BACH2: variants seen among roughly 807,000 people sequenced by gnomAD.
BACH2 encodes BACH transcriptional regulator 2, also known as transcription regulator protein BACH2.
Under a neutral mutation model 61.8 loss-of-function variants are expected in BACH2, and 5 were observed. That is an observed-to-expected ratio of 0.08 (90% confidence interval 0.04 to 0.17). The LOEUF (loss-of-function observed/expected upper bound fraction) is 0.17, where lower values mean the gene tolerates loss of function less well. Among genes scored for constraint, BACH2 ranks in the 10% least tolerant of loss-of-function variants. The probability of loss-of-function intolerance (pLI) is 1.00; values close to 1 mark genes in which losing one functional copy is unlikely to be tolerated. For synonymous variants in BACH2, 446 were observed against 440.1 expected (o/e 1.01, Z -0.17); for missense variants, 824 against 1,091.1 (o/e 0.76, Z 3.45).
intron 3 of BACH2, among the ~76,000 whole-genome samples, chr6:90,233,586 A>T (rs1706444199): frequency 6.6e-6 from 1 of 152,246 alleles, no homozygotes; most frequent in Non-Finnish European, 1.5e-5. Flanking sequence ...GGAATAATAA[A>T]GAGTCCCTTT....
chr6:89,945,945 T>C (rs192823095), intron 7 of BACH2, among the ~76,000 whole-genome samples: 1 of 152,018 alleles, frequency 6.6e-6, no homozygotes, highest in Admixed American at 6.6e-5. Context: ...TTTTTTTTAC[T>C]GGAAGAGAAA....
At chr6:90,285,132 T>G (rs1771978031) in intron 1 of BACH2, among the ~76,000 whole-genome samples, 1 of 152,202 alleles carries the variant, frequency 6.6e-6, no homozygotes, top group Admixed American at 6.5e-5. Context: ...ATTTCACACT[T>G]TCCGATGAAA....
At chr6:90,114,522 G>A (rs1253367702) in intron 4 of BACH2, among the ~76,000 whole-genome samples, 3 of 151,956 alleles carry the variant, frequency 2.0e-5, no homozygotes, top group Non-Finnish European at 4.4e-5. Context: ...TACCTCAAAA[G>A]AATAAGAGCC....
At chr6:90,295,663 G>A in intron 1 of BACH2, among the ~76,000 whole-genome samples, 1 of 151,742 alleles carries the variant, frequency 6.6e-6, no homozygotes, top group South Asian at 2.1e-4. Flanking sequence ...GGGTGTGTGT[G>A]TGTGTGTGTG....
chr6:90,193,033 G>A (rs886854399), intron 4 of BACH2, among the ~76,000 whole-genome samples: 57 of 152,200 alleles, frequency 3.7e-4, no homozygotes, highest in African/African-American at 1.4e-3. Context: ...TATTCAGCAC[G>A]GGACTACATT....
intron 6 of BACH2, among the ~76,000 whole-genome samples, chr6:89,992,569 G>T (rs1190325122): frequency 1.3e-5 from 2 of 152,222 alleles, no homozygotes; most frequent in Non-Finnish European, 2.9e-5. Context: ...CTGAACCCGG[G>T]AGGTGGAGGT....
chr6:90,296,333 G>C, intron 1 of BACH2, 147 bp downstream of exon 1: 1 of 151,354 alleles, frequency 6.6e-6, no homozygotes, highest in East Asian at 2.0e-4. Flanking sequence ...GGCGCGGGGA[G>C]GGCGGCTGCG....
intron 1 of BACH2, among the ~76,000 whole-genome samples, chr6:90,294,925 C>G (rs1772291429): frequency 6.6e-6 from 1 of 152,240 alleles, no homozygotes; most frequent in Admixed American, 6.5e-5. Flanking sequence ...AGCAAAATAT[C>G]TCATTAGGCA....
At chr6:90,077,736 T>C (rs1437195257) in intron 5 of BACH2, among the ~76,000 whole-genome samples, 2 of 152,204 alleles carry the variant, frequency 1.3e-5, no homozygotes, top group African/African-American at 4.8e-5. Flanking sequence ...CCTTAGCTTA[T>C]AGGTTTAATT....
At chr6:89,960,283 G>A (rs774727756) in intron 6 of BACH2, among the ~76,000 whole-genome samples, 15 of 152,200 alleles carry the variant, frequency 9.9e-5, no homozygotes, top group Non-Finnish European at 8.8e-5. Context: ...TTACAGACAA[G>A]GAGGCCAAGG....
In BACH2 at chr6:90,296,563, G is replaced by A. The variant is rs1419882089; in HGVS notation, c.-529C>T. The A allele has an allele frequency of 6.6e-6, 1 of 151,768 alleles. No individual in the cohort carries two copies. Among genetic ancestry groups the A allele is most frequent in the East Asian group, 1.9e-4 (1 of 5,220 alleles). The allele number at this position is 151,768 out of a possible 1,614,324, so 9.4% of individuals were successfully genotyped here. A position where few individuals can be genotyped will look rare whatever the true frequency, so the allele number is the denominator to read the frequency against. ...CAGCCCCCTCCCGGCAGCCGGCGAG[G>A]TGGGCAGTTCGTGGGTCACCGAAAG... On this transcript the variant is annotated 5_prime_UTR_variant, in exon 1 of 9. Coordinates refer to ENST00000257749, the MANE Select transcript of BACH2 (RefSeq NM_021813.4).
At chr6:90,198,910 C>T (rs1376578067) in intron 4 of BACH2, among the ~76,000 whole-genome samples, 1 of 152,112 alleles carries the variant, frequency 6.6e-6, no homozygotes, top group African/African-American at 2.4e-5. Flanking sequence ...GTGGGTCTTT[C>T]CCATGCTGTT....
At chr6:89,962,260 G>A (rs1448667119) in intron 6 of BACH2, among the ~76,000 whole-genome samples, 1 of 152,014 alleles carries the variant, frequency 6.6e-6, no homozygotes, top group Non-Finnish European at 1.5e-5. Flanking sequence ...TCTACCTAGG[G>A]CTTCCTTTCC....
Position 89,931,874 on chromosome 6 carries a change from G to A in BACH2, c.*534C>T, listed in dbSNP as rs543628121. On this transcript the variant is annotated 3_prime_UTR_variant, in exon 9 of 9. Transcript: ENST00000257749. The stretch of plus-strand genomic sequence containing the variant: ...GGAATGTTGGAACCTGTTTCTAAAT[G>A]AGAAATAAGTTTCCAGTTTTAGGAT... 2.0e-5 allele frequency: 3 copies of A among 151,464 alleles called. No homozygotes were observed. Among genetic ancestry groups the A allele is most frequent in the Non-Finnish European group, 2.9e-5 (2 of 67,816 alleles). 9.4% of individuals were successfully genotyped at this position (151,464 alleles called of 1,614,324 possible). A position where few individuals can be genotyped will look rare whatever the true frequency, so the allele number is the denominator to read the frequency against.
intron 6 of BACH2, among the ~76,000 whole-genome samples, chr6:89,964,006 C>T (rs376780998): frequency 9.9e-5 from 15 of 152,052 alleles, no homozygotes; most frequent in African/African-American, 3.6e-4. Flanking sequence ...AAAGTAGTCA[C>T]ATTCTCACAT....
intron 4 of BACH2, among the ~76,000 whole-genome samples, chr6:90,170,764 G>A (rs1767784642): frequency 6.6e-6 from 1 of 152,154 alleles, no homozygotes; most frequent in Non-Finnish European, 1.5e-5. Context: ...ACTTCTGATT[G>A]TCAAGCATGG....
At chr6:90,055,910 C>T (rs1195087928) in intron 5 of BACH2, among the ~76,000 whole-genome samples, 2 of 152,078 alleles carry the variant, frequency 1.3e-5, no homozygotes, top group Admixed American at 6.5e-5. Context: ...ACTTTACAGA[C>T]AAGCAAATGC....
At chr6:89,996,963 A>C (rs180840954) in intron 6 of BACH2, among the ~76,000 whole-genome samples, 34 of 151,710 alleles carry the variant, frequency 2.2e-4, no homozygotes, top group Admixed American at 1.6e-3. Context: ...GTACTTAAGG[A>C]TTTTGTCTTA....
chr6:89,979,246 T>G (rs1388201061), intron 6 of BACH2, among the ~76,000 whole-genome samples: 1 of 152,230 alleles, frequency 6.6e-6, no homozygotes, highest in African/African-American at 2.4e-5. Flanking sequence ...CATTCTCACC[T>G]AATACAAACC....
Sources: gnomAD v4.1 joint callset for allele counts (sites outside exome capture counted in the v4.1 genomes callset) on GRCh38, gnomAD v4.1.1 for gene constraint, MANE v1.5 for transcripts, NCBI Gene and HGNC (gene_info 2026-07-23, HGNC 2026-07-21) for gene names.